Variants in ADGRL2 observed in about 807,000 individuals in gnomAD.
The protein encoded by ADGRL2 is calcium-independent alpha-latrotoxin receptor 2.
Under a neutral mutation model 157.4 loss-of-function variants are expected in ADGRL2, and 44 were observed. The observed-to-expected ratio is 0.28, with a 90% CI of 0.22 to 0.36. ADGRL2 has a LOEUF of 0.36. ADGRL2 is among the 10% of genes least tolerant of loss of function. The pLI, the probability that ADGRL2 is intolerant of heterozygous loss-of-function variation, is 1.00. For synonymous variants in ADGRL2, 585 were observed against 624.7 expected, an observed-to-expected ratio of 0.94 and a Z score of 0.95; for missense variants, 1,510 against 1,768.9, an observed-to-expected ratio of 0.85 and a Z score of 2.63.
intron 9 of ADGRL2, 146 bp from the exon 10 acceptor site, chr1:81,952,841 A>G: frequency 1.7e-6 from 1 of 585,888 alleles, no homozygotes; most frequent in Non-Finnish European, 3.1e-6. Flanking sequence ...CAGTTTTGGT[A>G]GTCAGTGCAG....
At chr1:81,394,394 C>T (rs2076616073) in intron 1 of ADGRL2, among the ~76,000 whole-genome samples, 2 of 152,096 alleles carry the variant, frequency 1.3e-5, no homozygotes, top group African/African-American at 4.8e-5. Flanking sequence ...CTCTGGTAAC[C>T]ACTATTCTAT....
chr1:81,970,592 T>A, intron 16 of ADGRL2, 58 bp downstream of exon 16: 1 of 1,336,812 alleles, frequency 7.5e-7, no homozygotes, highest in Non-Finnish European at 1.1e-6. Flanking sequence ...TAAAGCCTGT[T>A]AGCTGTCAGT....
chr1:81,966,446 A>G lies in ADGRL2; in HGVS notation c.2186A>G (p.Gln729Arg), dbSNP rs1572411549. The G allele has an allele frequency of 2.5e-6, 4 of 1,614,112 alleles. No homozygotes were observed. Among genetic ancestry groups the G allele is most frequent in the East Asian group, 4.5e-5 (2 of 44,870 alleles). The change falls in exon 13 of 24, where the codon CAG (glutamine) becomes CGG (arginine). Residue 729 changes from glutamine to arginine, a missense_variant. Gln to Arg is a conservative substitution (Grantham distance 43, BLOSUM62 1). Around this residue, in one of 4 missense-constraint regions of ADGRL2, gnomAD observed 497 missense variants for 627.2 expected, o/e 0.79. Transcript: ENST00000686636. ...TTCATCATTTACCGGAGCCTGGGAC[A>G]GTTCCTTAGTACAGAAAATGCAACC... ...LVFIIYRSLGQFLSTENATIK... is the reference protein window; with the variant it reads ...LVFIIYRSLGRFLSTENATIK...
intron 1 of ADGRL2, among the ~76,000 whole-genome samples, chr1:81,316,667 C>A (rs923286219): frequency 6.6e-6 from 1 of 152,100 alleles, no homozygotes; most frequent in African/African-American, 2.4e-5. Flanking sequence ...GTATTATATT[C>A]TGGAAAGTTT....
chr1:81,532,845 A>G (rs372134819), intron 2 of ADGRL2, among the ~76,000 whole-genome samples: 100 of 152,212 alleles, frequency 6.6e-4, no homozygotes, highest in African/African-American at 2.1e-3. Flanking sequence ...ACTTGAGCCC[A>G]GGAGATCAAG....
chr1:81,970,469 G>A lies in ADGRL2; in HGVS notation c.2889G>A (p.Leu963=). 6.4e-7 allele frequency: 1 copy of A among 1,571,664 alleles called. No individual in the cohort carries two copies. The highest frequency in any genetic ancestry group is 8.6e-7 in the Non-Finnish European group (1 of 1,165,980). ...RKKYYYVAGY[L]FPATVVGVSA... ...AATATTACTATGTTGCTGGTTACTT[G>A]TTTCCTGCCACAGTGGTTGGAGTTT... The change falls in exon 16 of 24, where the codon TTG becomes TTA. Residue 963 remains leucine (L), a synonymous_variant. Coordinates refer to ENST00000686636, the MANE Select transcript of ADGRL2 (RefSeq NM_001366006.2).
At chr1:81,557,689 G>C (rs2080342903) in intron 2 of ADGRL2, 1 of 152,152 alleles carries the variant, frequency 6.6e-6, no homozygotes, top group Non-Finnish European at 1.5e-5. Context: ...TGCATCGCAG[G>C]ATAACTCCAA....
Position 81,848,506 on chromosome 1 carries a change from C to T in ADGRL2, c.73+11449C>T, listed in dbSNP as rs2092880774. On this transcript the variant is annotated intron_variant, in intron 2 of 23. Transcript: ENST00000686636. ...AGCTTCAGATCATTAGTATATTTTC[C>T]TATCTCAGCAGGCTGTTACTCAAGA... Among the ~76,000 whole-genome samples the T allele has an allele frequency of 2.0e-5, 3 of 151,840 alleles. No homozygotes were observed. The South Asian group carries it at 6.2e-4, about 31-fold the overall frequency.
At chr1:81,427,512 A>T in intron 1 of ADGRL2, 1 of 751,148 alleles carries the variant, frequency 1.3e-6, no homozygotes, top group Non-Finnish European at 2.4e-6. Flanking sequence ...CAAATTACGA[A>T]CCCATGTAAG....
At chr1:81,793,718 C>A (rs556551340) in intron 2 of ADGRL2, among the ~76,000 whole-genome samples, 1 of 151,256 alleles carries the variant, frequency 6.6e-6, no homozygotes, top group African/African-American at 2.4e-5. Context: ...AGCAAATAGG[C>A]GAGCATTATC....
intron 1 of ADGRL2, among the ~76,000 whole-genome samples, chr1:81,738,661 G>T (rs2084978343): frequency 6.6e-6 from 1 of 152,168 alleles, no homozygotes; most frequent in Non-Finnish European, 1.5e-5. Flanking sequence ...TTATGCATTG[G>T]CCAGTTTGGC....
intron 3 of ADGRL2, among the ~76,000 whole-genome samples, chr1:81,607,734 TA>T (rs2081463175): frequency 6.6e-6 from 1 of 152,220 alleles, no homozygotes; most frequent in Non-Finnish European, 1.5e-5. Flanking sequence ...TCCCAAAATA[TA>T]ATTGCCTAAC....
chr1:81,703,900 TAAGG>T (rs2083651871), intron 1 of ADGRL2, among the ~76,000 whole-genome samples: 1 of 152,156 alleles, frequency 6.6e-6, no homozygotes, highest in Non-Finnish European at 1.5e-5. Flanking sequence ...TATTCTACAC[TAAGG>T]AAGGAAGTGT....
At chr1:81,748,922 C>T (rs2085402518) in intron 1 of ADGRL2, among the ~76,000 whole-genome samples, 1 of 152,112 alleles carries the variant, frequency 6.6e-6, no homozygotes, top group Non-Finnish European at 1.5e-5. Flanking sequence ...CCCGCCTTGG[C>T]CTCCCAAAGT....
At chr1:81,483,418 A>G (rs987074347) in intron 2 of ADGRL2, among the ~76,000 whole-genome samples, 9 of 152,202 alleles carry the variant, frequency 5.9e-5, no homozygotes, top group African/African-American at 2.2e-4. Context: ...AAATAATGGA[A>G]TATTCCTGTT....
At chr1:81,309,778 TTTGAAGAGCC>T (rs1333259026) in intron 1 of ADGRL2, among the ~76,000 whole-genome samples, 1 of 152,148 alleles carries the variant, frequency 6.6e-6, no homozygotes, top group Non-Finnish European at 1.5e-5. Context: ...ACTGACAGCC[TTTGAAGAGCC>T]ACCACTCCCC....
chr1:81,319,185 G>A (rs1435298783), intron 1 of ADGRL2, among the ~76,000 whole-genome samples: 1 of 151,602 alleles, frequency 6.6e-6, no homozygotes, highest in Non-Finnish European at 1.5e-5. Context: ...GACCTCAAGT[G>A]ATCCACCTGC....
intron 3 of ADGRL2, among the ~76,000 whole-genome samples, chr1:81,637,849 C>T (rs759777227): frequency 7.3e-5 from 11 of 151,542 alleles, no homozygotes; most frequent in Non-Finnish European, 1.3e-4. Context: ...TAAAATTCAG[C>T]GTACCATACA....
chr1:81,975,031 C>T (rs192859739), intron 17 of ADGRL2, among the ~76,000 whole-genome samples: 5 of 151,784 alleles, frequency 3.3e-5, no homozygotes, highest in African/African-American at 1.2e-4. Context: ...TTTGTTCTCA[C>T]TCAACAGACT....
Sources: allele counts gnomAD v4.1 joint callset (sites outside exome capture counted in the v4.1 genomes callset), GRCh38; gene constraint gnomAD v4.1.1; regional missense constraint gnomAD v4.1.1; transcripts MANE v1.5; gene names NCBI Gene and HGNC (gene_info 2026-07-23, HGNC 2026-07-21).